DCLK2: variants seen among roughly 807,000 people sequenced by gnomAD.
DCLK2 encodes doublecortin like kinase 2.
In DCLK2, 31 loss-of-function variants were observed where a neutral mutation model predicts 78.4. That is an observed-to-expected ratio of 0.40 (90% CI 0.30 to 0.53). The LOEUF (loss-of-function observed/expected upper bound fraction) is 0.53. Among genes scored for constraint, DCLK2 ranks in the 20% least tolerant of loss-of-function variants. The pLI is 0.61. For synonymous variants in DCLK2, 407 were observed against 374.9 expected (o/e 1.09, Z -0.99); for missense variants, 872 against 973.7 (o/e 0.90, Z 1.39).
chr4:150,173,288 G>C (rs1026350270), intron 2 of DCLK2, among the ~76,000 whole-genome samples: 1 of 152,094 alleles, frequency 6.6e-6, no homozygotes, highest in African/African-American at 2.4e-5. Context: ...AAAACCAGCC[G>C]ACTCGACAGG....
intron 1 of DCLK2, among the ~76,000 whole-genome samples, chr4:150,080,624 T>C (rs1183723678): frequency 6.6e-6 from 1 of 152,238 alleles, no homozygotes; most frequent in Non-Finnish European, 1.5e-5. Flanking sequence ...CTCAGCATGC[T>C]TTTCTGTCCT....
intron 1 of DCLK2, among the ~76,000 whole-genome samples, chr4:150,098,776 A>G (rs533314484): frequency 8.6e-5 from 13 of 150,646 alleles, no homozygotes; most frequent in Admixed American, 2.0e-4. Context: ...GCTAACTGCA[A>G]TCTCTGCCTC....
At chr4:150,195,091 G>A (rs1738762281) in intron 3 of DCLK2, among the ~76,000 whole-genome samples, 2 of 135,634 alleles carry the variant, frequency 1.5e-5, no homozygotes, top group South Asian at 4.6e-4. Flanking sequence ...ATCTGTGCTA[G>A]TGCTCTCCCT....
In DCLK2 at chr4:150,239,361, G is replaced by C. The variant is rs571484327; in HGVS notation, c.1567-381G>C. On this transcript the variant is annotated intron_variant, in intron 10 of 15. Coordinates refer to ENST00000296550, the MANE Select transcript of DCLK2 (RefSeq NM_001040260.4). ...GCCTGTATTCCCAGCACTTTGGGAG[G>C]CTGAGGTGGGCAGATCTCACGATCC... Among the ~76,000 whole-genome samples the C allele has an allele frequency of 1.8e-3, 271 of 152,274 alleles. 3 individuals are homozygous for C. The highest frequency in any genetic ancestry group is 6.2e-3 in the African/African-American group (258 of 41,540).
At chr4:150,215,021 A>G (rs1740587134) in intron 5 of DCLK2, among the ~76,000 whole-genome samples, 2 of 152,056 alleles carry the variant, frequency 1.3e-5, no homozygotes, top group African/African-American at 4.8e-5. Flanking sequence ...TACCACTTGA[A>G]TTGTGATGCC....
At chr4:150,250,540 T>C (rs969612737) in intron 15 of DCLK2, among the ~76,000 whole-genome samples, 1 of 151,294 alleles carries the variant, frequency 6.6e-6, no homozygotes, top group African/African-American at 2.4e-5. Flanking sequence ...AGGGGTGGAG[T>C]GGCCTTTCCC....
intron 4 of DCLK2, 65 bp from the exon 5 acceptor site, chr4:150,203,729 AT>A: frequency 5.3e-6 from 7 of 1,331,098 alleles, no homozygotes; most frequent in Non-Finnish European, 7.6e-6. Flanking sequence ...CACCTAGTGT[AT>A]TTATACAGTC....
At chr4:150,213,883 C>T (rs536425815) in intron 5 of DCLK2, among the ~76,000 whole-genome samples, 8 of 152,284 alleles carry the variant, frequency 5.3e-5, no homozygotes, top group South Asian at 4.1e-4. Context: ...GTGTGAGAAT[C>T]GCCAAGAAGC....
At chr4:150,170,576 A>G (rs1364862976) in intron 2 of DCLK2, among the ~76,000 whole-genome samples, 1 of 152,220 alleles carries the variant, frequency 6.6e-6, no homozygotes, top group Non-Finnish European at 1.5e-5. Context: ...AGCGAGGTTC[A>G]TAGAAGATAT....
chr4:150,090,789 C>G (rs1233458694), intron 1 of DCLK2, among the ~76,000 whole-genome samples: 4 of 152,160 alleles, frequency 2.6e-5, no homozygotes, highest in Non-Finnish European at 5.9e-5. Context: ...GTATCACAGA[C>G]CATACAACTG....
intron 5 of DCLK2, among the ~76,000 whole-genome samples, chr4:150,208,947 A>G (rs543797653): frequency 6.6e-6 from 1 of 152,340 alleles, no homozygotes; most frequent in South Asian, 2.1e-4. Flanking sequence ...TACATGGGTT[A>G]CAAGGATGTG....
At chr4:150,213,671 A>G (rs768816492) in intron 5 of DCLK2, among the ~76,000 whole-genome samples, 79 of 152,282 alleles carry the variant, frequency 5.2e-4, no homozygotes, top group Non-Finnish European at 9.8e-4. Context: ...CTTAAATTCT[A>G]TTTGAGGAAA....
chr4:150,131,582 G>A (rs909746737), intron 2 of DCLK2, among the ~76,000 whole-genome samples: 1 of 151,984 alleles, frequency 6.6e-6, no homozygotes, highest in Admixed American at 6.6e-5. Context: ...AAATAATTGG[G>A]GTCCCCTCTT....
At chr4:150,130,613 A>G (rs1580559991) in intron 2 of DCLK2, among the ~76,000 whole-genome samples, 1 of 152,132 alleles carries the variant, frequency 6.6e-6, no homozygotes, top group African/African-American at 2.4e-5. Context: ...ACAGGGGGCT[A>G]TGTGAAGACT....
chr4:150,112,239 T>C (rs1010621306), intron 2 of DCLK2, among the ~76,000 whole-genome samples: 27 of 152,198 alleles, frequency 1.8e-4, no homozygotes, highest in African/African-American at 4.6e-4. Flanking sequence ...GTATAAAGGA[T>C]TGGAGTCTTG....
intron 5 of DCLK2, among the ~76,000 whole-genome samples, chr4:150,212,098 G>A (rs1274938683): frequency 6.6e-6 from 1 of 152,206 alleles, no homozygotes; most frequent in Admixed American, 6.5e-5. Flanking sequence ...AAAATGTTTC[G>A]TGTTTTGATG....
At chr4:150,181,205 C>T (rs960283233) in intron 2 of DCLK2, among the ~76,000 whole-genome samples, 6 of 151,982 alleles carry the variant, frequency 3.9e-5, no homozygotes, top group Non-Finnish European at 7.4e-5. Context: ...CTTTTGTTAA[C>T]CTGTCTTTTG....
intron 8 of DCLK2, among the ~76,000 whole-genome samples, chr4:150,230,613 C>T (rs1318626697): frequency 1.3e-5 from 2 of 152,188 alleles, no homozygotes; most frequent in Non-Finnish European, 2.9e-5. Context: ...GTGTATCTAA[C>T]CCTGCTTTTT....
At chr4:150,138,995 A>T (rs1056304135) in intron 2 of DCLK2, among the ~76,000 whole-genome samples, 7 of 70,704 alleles carry the variant, frequency 9.9e-5, no homozygotes, top group South Asian at 1.2e-3. Context: ...TTTAAATTTA[A>T]AAAAAAAAAA....
Sources: gnomAD v4.1 joint callset for allele counts (sites outside exome capture counted in the v4.1 genomes callset) on GRCh38, gnomAD v4.1.1 for gene constraint, MANE v1.5 for transcripts, NCBI Gene and HGNC (gene_info 2026-07-23, HGNC 2026-07-21) for gene names.